The following RFX3 variants were observed in gnomAD, a reference collection of about 807,000 sequenced individuals.
The protein encoded by RFX3 is transcription factor RFX3.
RFX3 carries 14 observed loss-of-function variants against 98.6 expected under a neutral mutation model. The ratio of observed to expected loss-of-function variants is 0.14; its 90% CI spans 0.09 to 0.22. The LOEUF (loss-of-function observed/expected upper bound fraction) is 0.22. Among genes scored for constraint, RFX3 ranks in the 10% least tolerant of loss-of-function variants. The pLI, the probability that RFX3 is intolerant of heterozygous loss-of-function variation, is 1.00. For synonymous variants in RFX3, 383 were observed against 328.4 expected (o/e 1.17, Z -1.80); for missense variants, 639 against 926.9 (o/e 0.69, Z 4.03).
At chr9:3,324,161 C>A in intron 4 of RFX3, 1 of 277,938 alleles carries the variant, frequency 3.6e-6, no homozygotes, top group South Asian at 3.7e-5. Context: ...ATGTTCCTGC[C>A]AAAATAAGTG....
rs1218666184 is a variant in RFX3 at position 3,330,393 on chromosome 9, C to A, written c.340G>T (p.Gly114Cys). 6.2e-7 allele frequency: 1 copy of A among 1,614,146 alleles called. No individual in the cohort carries two copies. Among genetic ancestry groups the A allele is most frequent in the African/African-American group, 1.3e-5 (1 of 75,042 alleles). ...ACGCCCATCTGAATCCCACCAGTGC[C>A]CACCATACTGTGGGATGAGACCACG... ...TTVVSSHSMV[G>C]TGGIQMGVTG... The change falls in exon 4 of 17, where the codon GGC becomes TGC. Residue 114 changes from glycine to cysteine, a missense_variant. Coordinates refer to ENST00000617270, the MANE Select transcript of RFX3 (RefSeq NM_001282116.2).
intron 4 of RFX3, among the ~76,000 whole-genome samples, chr9:3,306,384 C>A (rs1317192241): frequency 6.6e-6 from 1 of 151,824 alleles, no homozygotes; most frequent in Non-Finnish European, 1.5e-5. Flanking sequence ...ATGGTGTGTG[C>A]TGCTGATAGT....
At position 3,254,598 on chromosome 9, in the gene RFX3, C is replaced by T. The variant is rs532385233; in HGVS notation, c.1814+2393G>A. The stretch of plus-strand genomic sequence containing the variant: ...TGTCGCCCAGGCTGGAGTGCAGTGG[C>T]GTGATCTCTGCTCACTGCAAGCTCC... On this transcript the variant is annotated intron_variant, in intron 14 of 16. Coordinates refer to ENST00000617270, the MANE Select transcript of RFX3 (RefSeq NM_001282116.2). Among the ~76,000 whole-genome samples, 16 of 151,388 alleles carry T rather than the reference C, an allele frequency of 1.1e-4. No homozygotes were observed. In the East Asian group the frequency reaches 3.1e-3, roughly 29 times the overall value.
intron 1 of RFX3, among the ~76,000 whole-genome samples, chr9:3,499,193 G>A (rs1357200234): frequency 6.6e-6 from 1 of 151,888 alleles, no homozygotes; most frequent in South Asian, 2.1e-4. Flanking sequence ...TCTCCTAAAA[G>A]GTCATAATGG....
At chr9:3,303,661 T>G (rs1427752594) in intron 4 of RFX3, among the ~76,000 whole-genome samples, 2 of 150,846 alleles carry the variant, frequency 1.3e-5, no homozygotes, top group Admixed American at 6.6e-5. Flanking sequence ...AAAAAAAAAG[T>G]CAGAGATCTG....
chr9:3,459,726 A>T (rs957991311), intron 1 of RFX3, among the ~76,000 whole-genome samples: 1 of 151,928 alleles, frequency 6.6e-6, no homozygotes, highest in Non-Finnish European at 1.5e-5. Flanking sequence ...TTCCTTCTCA[A>T]TCTTCTCGTG....
At chr9:3,436,944 A>AT (rs199537724) in intron 1 of RFX3, among the ~76,000 whole-genome samples, 1 of 151,218 alleles carries the variant, frequency 6.6e-6, no homozygotes, top group Non-Finnish European at 1.5e-5. Flanking sequence ...CTTCCTATTA[A>AT]TTTTTTTAAA....
At chr9:3,339,941 G>T (rs11788251) in intron 3 of RFX3, among the ~76,000 whole-genome samples, 1 of 151,478 alleles carries the variant, frequency 6.6e-6, no homozygotes, top group Non-Finnish European at 1.5e-5. Flanking sequence ...GCCCACATTG[G>T]CAAGTCAATC....
intron 2 of RFX3, among the ~76,000 whole-genome samples, chr9:3,379,617 A>C (rs976844112): frequency 1.3e-5 from 2 of 152,216 alleles, no homozygotes; most frequent in Admixed American, 1.3e-4. Flanking sequence ...ATCTATTAAT[A>C]GATTCAATTT....
At chr9:3,491,468 CAT>C (rs1442103506) in intron 1 of RFX3, among the ~76,000 whole-genome samples, 1 of 152,112 alleles carries the variant, frequency 6.6e-6, no homozygotes, top group Non-Finnish European at 1.5e-5. Context: ...TTTTGAGCAA[CAT>C]GAGTCAAACA....
chr9:3,259,852 G>A (rs1358359372), intron 13 of RFX3, among the ~76,000 whole-genome samples: 1 of 152,046 alleles, frequency 6.6e-6, no homozygotes, highest in Non-Finnish European at 1.5e-5. Flanking sequence ...AAGCTCTTAA[G>A]TGTATTATAA....
At chr9:3,455,189 T>A (rs1181196747) in intron 1 of RFX3, among the ~76,000 whole-genome samples, 6 of 152,210 alleles carry the variant, frequency 3.9e-5, no homozygotes. Context: ...ACAGACTTCT[T>A]ACCAAGGTCT....
chr9:3,307,946 G>T (rs1829523961), intron 4 of RFX3, among the ~76,000 whole-genome samples: 2 of 151,586 alleles, frequency 1.3e-5, no homozygotes, highest in Admixed American at 6.6e-5. Flanking sequence ...TTTACTTAAT[G>T]GTACAGAACC....
chr9:3,470,972 G>C (rs770144727), intron 1 of RFX3, among the ~76,000 whole-genome samples: 6 of 152,262 alleles, frequency 3.9e-5, no homozygotes, highest in Non-Finnish European at 7.4e-5. Context: ...ATCTGTTCAA[G>C]ATAATAACTC....
chr9:3,314,586 T>C (rs924740564), intron 4 of RFX3, among the ~76,000 whole-genome samples: 10 of 151,964 alleles, frequency 6.6e-5, no homozygotes, highest in Admixed American at 3.9e-4. Context: ...GCAAATTGGA[T>C]AAAGACTCAA....
Position 3,464,944 on chromosome 9 carries a change from AG to A in RFX3, c.-9+60802del, listed in dbSNP as rs549948966. ...AAAAATTCAAAAGTTATCGGTGGAA[AG>A]GTAAGTGTCTCTCTCACCCCTATGA... On this transcript the variant is annotated intron_variant, in intron 1 of 16. Coordinates refer to ENST00000617270, the MANE Select transcript of RFX3 (RefSeq NM_001282116.2). 3.9e-5 allele frequency among the ~76,000 whole-genome samples: 6 copies of A among 152,330 alleles called. No homozygotes were observed. In the East Asian group the frequency reaches 1.2e-3, roughly 29 times the overall value.
chr9:3,230,382 A>G (rs1818306586), intron 15 of RFX3, among the ~76,000 whole-genome samples: 1 of 152,154 alleles, frequency 6.6e-6, no homozygotes, highest in South Asian at 2.1e-4. Context: ...AAAGTAATGG[A>G]AAAAACCACT....
At chr9:3,483,929 C>A (rs1587828468) in intron 1 of RFX3, among the ~76,000 whole-genome samples, 1 of 152,078 alleles carries the variant, frequency 6.6e-6, no homozygotes, top group African/African-American at 2.4e-5. Context: ...AGTTCACCAC[C>A]CCCTACTCTA....
chr9:3,503,197 C>T (rs946164199), intron 1 of RFX3, among the ~76,000 whole-genome samples: 4 of 152,140 alleles, frequency 2.6e-5, no homozygotes, highest in Non-Finnish European at 5.9e-5. Context: ...GCACAGCTGA[C>T]TCACTTCAGA....
Sources: allele counts gnomAD v4.1 joint callset (sites outside exome capture counted in the v4.1 genomes callset), GRCh38; gene constraint gnomAD v4.1.1; transcripts MANE v1.5; gene names NCBI Gene and HGNC (gene_info 2026-07-23, HGNC 2026-07-21).